TENT5D: variants seen among roughly 807,000 people sequenced by gnomAD.
TENT5D encodes cancer/testis antigen 112.
For missense variants in TENT5D, 191 were observed against 287.0 expected (o/e 0.67, Z 2.42); for synonymous variants, 103 against 100.6 (o/e 1.02, Z -0.15).
intron 3 of TENT5D, among the ~76,000 whole-genome samples, chrX:80,388,838 A>G (rs754204232): frequency 1.5e-4 from 17 of 111,410 alleles, no homozygotes; most frequent in African/African-American, 5.2e-4. Context: ...CTTGTGATGT[A>G]GACTGCCTTT....
intron 3 of TENT5D, among the ~76,000 whole-genome samples, chrX:80,354,007 T>TTTCATTC (rs1930235259): frequency 8.9e-6 from 1 of 111,826 alleles, no homozygotes; most frequent in African/African-American, 3.3e-5. Context: ...TGGTATCTCA[T>TTTCATTC]TGTGGCTTTG....
intron 3 of TENT5D, among the ~76,000 whole-genome samples, chrX:80,405,159 A>G (rs959663989): frequency 1.8e-5 from 2 of 112,588 alleles, no homozygotes; most frequent in Non-Finnish European, 3.8e-5. Context: ...ACAGTGAGAC[A>G]CAATAAAAGT....
At chrX:80,365,619 T>A (rs1930492808) in intron 3 of TENT5D, among the ~76,000 whole-genome samples, 1 of 110,801 alleles carries the variant, frequency 9.0e-6, no homozygotes, top group Non-Finnish European at 1.9e-5. Context: ...GGCGGGTGGA[T>A]CACTTGAGGT....
intron 3 of TENT5D, among the ~76,000 whole-genome samples, chrX:80,372,577 G>T (rs1005379063): frequency 1.8e-5 from 2 of 110,785 alleles, no homozygotes; most frequent in Non-Finnish European, 3.8e-5. Context: ...CATGGATTTT[G>T]ATTGATCTCA....
At chrX:80,361,698 T>C (rs745368786) in intron 3 of TENT5D, among the ~76,000 whole-genome samples, 2 of 112,199 alleles carry the variant, frequency 1.8e-5, no homozygotes, top group African/African-American at 3.2e-5. Flanking sequence ...TATAGTGTTA[T>C]AAGTAGCCTG....
At chrX:80,441,140 G>A (rs951561924) in intron 2 of TENT5D, among the ~76,000 whole-genome samples, 5 of 111,312 alleles carry the variant, frequency 4.5e-5, no homozygotes, top group African/African-American at 1.6e-4. Context: ...TGATCAAACT[G>A]TATAAACATT....
intron 3 of TENT5D, among the ~76,000 whole-genome samples, chrX:80,413,325 A>G (rs1367115552): frequency 8.9e-6 from 1 of 112,245 alleles, no homozygotes; most frequent in Non-Finnish European, 1.9e-5. Flanking sequence ...CATATATTTG[A>G]TGCGTAAATA....
intron 1 of TENT5D, among the ~76,000 whole-genome samples, chrX:80,421,970 T>C (rs1246525406): frequency 9.0e-6 from 1 of 110,893 alleles, no homozygotes; most frequent in African/African-American, 3.3e-5. Context: ...TGGAGGTTAC[T>C]GAGTGGGAGG....
At chrX:80,435,066 A>T in intron 1 of TENT5D, among the ~76,000 whole-genome samples, 1 of 110,886 alleles carries the variant, frequency 9.0e-6, no homozygotes. Context: ...TACAGACTTG[A>T]GCCACCGCGC....
intron 3 of TENT5D, among the ~76,000 whole-genome samples, chrX:80,359,132 A>G (rs1020445407): frequency 4.5e-5 from 5 of 112,344 alleles, no homozygotes; most frequent in Admixed American, 3.8e-4. Context: ...TAGAATGGCA[A>G]TCATTGAAAA....
At chrX:80,414,867 A>T (rs1931737908) in intron 3 of TENT5D, among the ~76,000 whole-genome samples, 1 of 111,719 alleles carries the variant, frequency 9.0e-6, no homozygotes, top group South Asian at 3.7e-4. Context: ...TAACTTAGTG[A>T]TTTTGGGGTC....
intron 3 of TENT5D, among the ~76,000 whole-genome samples, chrX:80,405,726 G>C (rs1205706214): frequency 8.9e-6 from 1 of 112,588 alleles, no homozygotes; most frequent in Non-Finnish European, 1.9e-5. Flanking sequence ...AAGCAGCAGG[G>C]AAGCTCGAAC....
chrX:80,360,699 G>A (rs1297570309), intron 3 of TENT5D, among the ~76,000 whole-genome samples: 1 of 112,050 alleles, frequency 8.9e-6, no homozygotes, highest in East Asian at 2.8e-4. Context: ...AGAGGTTACA[G>A]AAGAGTAGCT....
At chrX:80,443,786 A>G (rs1932336060) in exon 3 of TENT5D, 2 of 900,577 alleles carry the variant, frequency 2.2e-6, no homozygotes, top group East Asian at 6.7e-5. Flanking sequence ...GTAAAATTCA[A>G]GATCTGTTTT....
chrX:80,356,085 CT>C (rs1490580002), intron 3 of TENT5D, among the ~76,000 whole-genome samples: 38 of 112,058 alleles, frequency 3.4e-4, no homozygotes, highest in Non-Finnish European at 6.2e-4. Flanking sequence ...TTTGTTATTA[CT>C]TTTTTATATT....
Position 80,340,205 on chromosome X carries a change from C to T in TENT5D, c.-206-2295C>T, listed in dbSNP as rs1486763559. Among the ~76,000 whole-genome samples the T allele has an allele frequency of 3.6e-5, 4 of 110,270 alleles. No homozygotes were observed. The Admixed American group carries it at 3.9e-4, about 11-fold the overall frequency. ...CATTTTCCTTATCTCTATGATTTTA[C>T]TATCCAAGAGCTGTTTGAAAAAAAA... On this transcript the variant is annotated intron_variant, in intron 2 of 4. Transcript: ENST00000538312.
chrX:80,411,223 A>C (rs1029887533), intron 3 of TENT5D, among the ~76,000 whole-genome samples: 1 of 109,838 alleles, frequency 9.1e-6, no homozygotes, highest in Non-Finnish European at 1.9e-5. Context: ...GTGCACATGT[A>C]CCCTAAAACT....
intron 2 of TENT5D, among the ~76,000 whole-genome samples, chrX:80,440,007 A>T (rs746680664): frequency 9.0e-6 from 1 of 111,137 alleles, no homozygotes; most frequent in East Asian, 2.8e-4. Context: ...GTTAAAAAAA[A>T]CCTAACTGGT....
chrX:80,383,321 T>A (rs1306971491), intron 3 of TENT5D, among the ~76,000 whole-genome samples: 1 of 111,598 alleles, frequency 9.0e-6, no homozygotes, highest in Non-Finnish European at 1.9e-5. Context: ...GGTGAGCATA[T>A]CTATCTTTCA....
Sources: allele counts gnomAD v4.1 joint callset (sites outside exome capture counted in the v4.1 genomes callset), GRCh38; gene constraint gnomAD v4.1.1; transcripts MANE v1.5; gene names NCBI Gene and HGNC (gene_info 2026-07-23, HGNC 2026-07-21).